SATB1: variants seen among roughly 807,000 people sequenced by gnomAD.
The protein encoded by SATB1 is DNA-binding protein SATB1.
In SATB1, 11 loss-of-function variants were observed where a neutral mutation model predicts 86.9. The ratio of observed to expected loss-of-function variants is 0.13; its 90% CI spans 0.08 to 0.21. The LOEUF (loss-of-function observed/expected upper bound fraction) is 0.21, where lower values mean the gene tolerates loss of function less well. Among genes scored for constraint, SATB1 ranks in the 10% least tolerant of loss-of-function variants. SATB1 has a pLI of 1.00. For synonymous variants in SATB1, 357 were observed against 357.2 expected (o/e 1.00, Z 0.01); for missense variants, 551 against 937.6 (o/e 0.59, Z 5.39).
At chr3:18,416,563 C>T (rs1489928579) in intron 3 of SATB1, among the ~76,000 whole-genome samples, 1 of 152,090 alleles carries the variant, frequency 6.6e-6, no homozygotes, top group Non-Finnish European at 1.5e-5. Context: ...ACTAGATATT[C>T]AGTCATAAAT....
upstream of SATB1, chr3:18,425,360 C>CGGA (rs919141371): frequency 0.011 from 1,740 of 152,124 alleles, 35 homozygotes; most frequent in African/African-American, 0.038. Context: ...GCGGCGGCGG[C>CGGA]GGAGGAGGAG....
intron 10 of SATB1, 104 bp downstream of exon 10, chr3:18,351,888 A>T: frequency 4.8e-6 from 5 of 1,052,182 alleles, no homozygotes; most frequent in Non-Finnish European, 7.3e-6. Flanking sequence ...CTTGCTAAAA[A>T]GCCTATGGTT....
intron 5 of SATB1, among the ~76,000 whole-genome samples, chr3:18,400,250 A>G (rs1475840666): frequency 2.0e-5 from 3 of 152,158 alleles, no homozygotes; most frequent in African/African-American, 7.2e-5. Context: ...GTTTAAAAAG[A>G]TTGCACTAAG....
chr3:18,417,771 C>T (rs888337993), intron 2 of SATB1: 22 of 659,354 alleles, frequency 3.3e-5, no homozygotes, highest in East Asian at 1.1e-4. Flanking sequence ...AAAGAGAGCA[C>T]GGTACCCATA....
At chr3:18,396,343 C>T (rs1035906220) in intron 6 of SATB1, among the ~76,000 whole-genome samples, 1 of 151,888 alleles carries the variant, frequency 6.6e-6, no homozygotes, top group African/African-American at 2.4e-5. Flanking sequence ...TAAAACAGGA[C>T]ATAATGCCCA....
At chr3:18,413,866 C>A (rs1302208044) in intron 5 of SATB1, among the ~76,000 whole-genome samples, 2 of 151,954 alleles carry the variant, frequency 1.3e-5, no homozygotes, top group African/African-American at 2.4e-5. Context: ...AAATTTCTAG[C>A]AAATATCAAA....
At chr3:18,388,080 A>G (rs758540873) in intron 7 of SATB1, among the ~76,000 whole-genome samples, 5 of 152,190 alleles carry the variant, frequency 3.3e-5, no homozygotes, top group African/African-American at 1.2e-4. Flanking sequence ...TAAAGCCTGG[A>G]AATTGGACCT....
At chr3:18,402,868 T>C (rs995777571) in intron 5 of SATB1, among the ~76,000 whole-genome samples, 3 of 152,064 alleles carry the variant, frequency 2.0e-5, no homozygotes, top group Non-Finnish European at 2.9e-5. Context: ...GGCTACAACA[T>C]CTTATTTACA....
chr3:18,398,104 G>A (rs890742973), intron 5 of SATB1, among the ~76,000 whole-genome samples: 5 of 152,068 alleles, frequency 3.3e-5, no homozygotes, highest in African/African-American at 1.2e-4. Context: ...ATGACCTATC[G>A]TGACTTATCT....
In SATB1 at chr3:18,351,910, A is replaced by G. The variant is rs878905576; in HGVS notation, c.1779+82T>C. ...AAAAGCCTATGGTTAGACTGGCAGG[A>G]GGAAGAGAAACGCTAATTTCCCTGC... On this transcript the variant is annotated intron_variant, in intron 10 of 10. Transcript: ENST00000338745. The G allele has an allele frequency of 2.4e-4, 311 of 1,319,350 alleles. 1 individual carries two copies. Among genetic ancestry groups the G allele is most frequent in the East Asian group, 2.8e-4 (12 of 43,226 alleles). 81.7% of individuals were successfully genotyped at this position (1,319,350 alleles called of 1,614,324 possible). A position where few individuals can be genotyped will look rare whatever the true frequency, so the allele number is the denominator to read the frequency against.
chr3:18,380,696 T>C (rs925583112), intron 8 of SATB1, among the ~76,000 whole-genome samples: 1 of 151,892 alleles, frequency 6.6e-6, no homozygotes, highest in Non-Finnish European at 1.5e-5. Context: ...TTATCATAGA[T>C]AAGCTATTAG....
Position 18,352,365 on chromosome 3 carries a change from G to A in SATB1, c.1576-170C>T, listed in dbSNP as rs972624277. On this transcript the variant is annotated intron_variant, in intron 9 of 10. Transcript: ENST00000338745. This position sits in a 1 kb window ranked among gnomAD's most constrained non-coding sequence, Gnocchi z 4.1. Reference sequence around the variant, plus strand: ...TTGTTAAGAGAGGTTATCTGTGGCTGTCAAGGAGGCAGACTCTGTTTCTAA... The same window carrying A: ...TTGTTAAGAGAGGTTATCTGTGGCTATCAAGGAGGCAGACTCTGTTTCTAA... 3.4e-6 allele frequency: 2 copies of A among 591,850 alleles called. No individual in the cohort carries two copies. Among genetic ancestry groups the A allele is most frequent in the East Asian group, 5.6e-5 (2 of 35,430 alleles). The allele number at this position is 591,850 out of a possible 1,614,324, so 36.7% of individuals were successfully genotyped here. A position where few individuals can be genotyped will look rare whatever the true frequency, so the allele number is the denominator to read the frequency against.
chr3:18,438,253 A>G (rs1025837122), intron 1 of SATB1, among the ~76,000 whole-genome samples: 12 of 152,210 alleles, frequency 7.9e-5, no homozygotes, highest in Admixed American at 2.0e-4. Flanking sequence ...AATCAACTCT[A>G]CTACATGCCT....
Position 18,416,033 on chromosome 3 carries a change from C to A in SATB1, c.489G>T (p.Val163=). The A allele has an allele frequency of 6.2e-7, 1 of 1,603,104 alleles. No individual in the cohort carries two copies. Among genetic ancestry groups the A allele is most frequent in the Non-Finnish European group, 8.5e-7 (1 of 1,173,262 alleles). ...VADMLQDVYH[V]VTLKIQLHSC... Reference sequence around the variant, plus strand: ...TGTGTAACTGAATTTTCAATGTGACCACATGATACACATCTTGAAGCATAT... The same window carrying A: ...TGTGTAACTGAATTTTCAATGTGACAACATGATACACATCTTGAAGCATAT... The change falls in exon 4 of 11, where the codon GTG becomes GTT. Residue 163 remains valine, a synonymous_variant. Coordinates refer to ENST00000338745, the MANE Select transcript of SATB1 (RefSeq NM_002971.6).
chr3:18,378,279 T>C lies in SATB1; in HGVS notation c.1466A>G (p.Asn489Ser). 6.2e-7 allele frequency: 1 copy of C among 1,611,668 alleles called. No homozygotes were observed. Among genetic ancestry groups the C allele is most frequent in the Non-Finnish European group, 8.5e-7 (1 of 1,179,066 alleles). ...GGAAGCATTAATGTTCATGGTATTG[T>C]TCTCTGGTTTCCCATTCCTTTCAGT... ...IATERNGKPE[N>S]NTMNINASIY... Residue 489 changes from asparagine to serine, a missense_variant, in exon 9 of 11, where the codon AAC (asparagine) becomes AGC (serine). Transcript: ENST00000338745.
chr3:18,380,975 C>T (rs1184800835), intron 8 of SATB1, among the ~76,000 whole-genome samples: 1 of 152,202 alleles, frequency 6.6e-6, no homozygotes, highest in Non-Finnish European at 1.5e-5. Flanking sequence ...TTCAGCTCTT[C>T]TCCGCAAATA....
Position 18,394,886 on chromosome 3 carries a change from T to A in SATB1, c.782A>T (p.Gln261Leu). The A allele has an allele frequency of 6.2e-7, 1 of 1,607,924 alleles. No individual in the cohort carries two copies. Residue 261 changes from glutamine to leucine, a missense_variant, in exon 7 of 11, where the codon CAG (glutamine) becomes CTG (leucine). Coordinates refer to ENST00000338745, the MANE Select transcript of SATB1 (RefSeq NM_002971.6). The surrounding 1 kb of genome is among the most constrained non-coding windows in gnomAD (Gnocchi z 5.9). ...VEMDSLSELS[Q>L]QGANHVNFGQ... ...AAAATTGACATGATTGGCGCCTTGC[T>A]GGGATAGCTCAGAAAGACTATCCAT... is the stretch of plus-strand genomic sequence containing the variant.
intron 8 of SATB1, among the ~76,000 whole-genome samples, chr3:18,382,739 C>T (rs1696129352): frequency 6.6e-6 from 1 of 152,212 alleles, no homozygotes. Flanking sequence ...TTCATTAGGA[C>T]AATGCTTTAG....
Position 18,386,346 on chromosome 3 carries a change from A to T in SATB1, c.1419+53T>A. On this transcript the variant is annotated intron_variant, in intron 8 of 10. Transcript: ENST00000338745. This position sits in a 1 kb window ranked among gnomAD's most constrained non-coding sequence, Gnocchi z 4.5. ...AATTTCTTATTGAGATTCTTCCTCA[A>T]GCATTAAAAAAAAGCTAAACAAAGA... The T allele has an allele frequency of 7.5e-7, 1 of 1,338,398 alleles. No individual in the cohort carries two copies. Among genetic ancestry groups the T allele is most frequent in the African/African-American group, 1.5e-5 (1 of 68,640 alleles). 82.9% of individuals were successfully genotyped at this position (1,338,398 alleles called of 1,614,324 possible).
Sources: gnomAD v4.1 joint callset for allele counts (sites outside exome capture counted in the v4.1 genomes callset) on GRCh38, gnomAD v4.1.1 for gene constraint, Gnocchi (gnomAD v3.1) non-coding constraint, MANE v1.5 for transcripts, NCBI Gene and HGNC (gene_info 2026-07-23, HGNC 2026-07-21) for gene names.